Variants in BCAR3 observed in about 807,000 individuals in gnomAD.
The protein encoded by BCAR3 is breast cancer anti-estrogen resistance protein 3.
In BCAR3, 37 loss-of-function variants were observed where a neutral mutation model predicts 80.1. The observed-to-expected ratio is 0.46, with a 90% CI of 0.36 to 0.61. The LOEUF is 0.61. Among genes scored for constraint, BCAR3 ranks in the 20% least tolerant of loss-of-function variants. The pLI is 0.00. For synonymous variants in BCAR3, 389 were observed against 418.9 expected, an observed-to-expected ratio of 0.93 and a Z score of 0.87; for missense variants, 978 against 1,068.2, an observed-to-expected ratio of 0.92 and a Z score of 1.18.
chr1:93,801,578 G>A (rs11805483), intron 2 of BCAR3, among the ~76,000 whole-genome samples: 1,785 of 152,316 alleles, frequency 0.012, 28 homozygotes, highest in African/African-American at 0.041. Context: ...CCAGTCAGAG[G>A]TCTTAGGAAA....
chr1:93,810,130 T>A (rs1013349044), intron 2 of BCAR3, among the ~76,000 whole-genome samples: 2 of 147,264 alleles, frequency 1.4e-5, no homozygotes, highest in Non-Finnish European at 3.0e-5. Flanking sequence ...GAGGCGGAGG[T>A]TGCAGTGAGC....
intron 2 of BCAR3, among the ~76,000 whole-genome samples, chr1:93,718,449 G>A (rs1235931938): frequency 2.6e-4 from 39 of 152,220 alleles, no homozygotes; most frequent in Admixed American, 2.6e-3. Context: ...TATGATGGGA[G>A]AAGGGCAGGG....
chr1:93,844,947 C>T (rs1655094532), intron 2 of BCAR3, among the ~76,000 whole-genome samples: 1 of 152,236 alleles, frequency 6.6e-6, no homozygotes, highest in African/African-American at 2.4e-5. Context: ...GAAAGCCTGG[C>T]TTTCCCACAC....
At chr1:93,696,388 C>T (rs1571053478) in intron 3 of BCAR3, among the ~76,000 whole-genome samples, 1 of 152,168 alleles carries the variant, frequency 6.6e-6, no homozygotes, top group African/African-American at 2.4e-5. Flanking sequence ...CAGTCTCTCT[C>T]CATTTCTACC....
At chr1:93,636,557 A>C (rs578045750) in intron 3 of BCAR3, among the ~76,000 whole-genome samples, 2 of 152,296 alleles carry the variant, frequency 1.3e-5, no homozygotes, top group East Asian at 1.9e-4. Flanking sequence ...AATTTGAAAA[A>C]AAAAAACAAA....
intron 2 of BCAR3, among the ~76,000 whole-genome samples, chr1:93,762,247 C>A (rs986488575): frequency 6.6e-6 from 1 of 152,172 alleles, no homozygotes; most frequent in Non-Finnish European, 1.5e-5. Flanking sequence ...AGTTAACAAG[C>A]AAGAGATCTT....
intron 2 of BCAR3, chr1:93,752,992 C>T (rs569947397): frequency 3.3e-5 from 5 of 152,202 alleles, no homozygotes; most frequent in South Asian, 4.1e-4. Context: ...ACAGATGGCC[C>T]GTGATGAATC....
At chr1:93,645,123 T>C (rs1676114299) in intron 2 of BCAR3, among the ~76,000 whole-genome samples, 1 of 152,108 alleles carries the variant, frequency 6.6e-6, no homozygotes, top group African/African-American at 2.4e-5. Context: ...GGGGGCCTCG[T>C]GGGAGTGTCT....
At chr1:93,629,141 ATCT>A (rs1253302833) in intron 3 of BCAR3, among the ~76,000 whole-genome samples, 3 of 152,152 alleles carry the variant, frequency 2.0e-5, no homozygotes, top group African/African-American at 7.2e-5. Flanking sequence ...TCTTAACGTG[ATCT>A]TCTTCTCGGA....
chr1:93,673,996 G>A (rs1029445527), intron 2 of BCAR3, among the ~76,000 whole-genome samples: 3 of 151,934 alleles, frequency 2.0e-5, no homozygotes, highest in Admixed American at 6.6e-5. Context: ...GTTAAGAAGT[G>A]GTTTTTATTT....
intron 2 of BCAR3, among the ~76,000 whole-genome samples, chr1:93,785,259 T>C (rs572429498): frequency 6.6e-6 from 1 of 152,364 alleles, no homozygotes; most frequent in African/African-American, 2.4e-5. Flanking sequence ...TAGTAGAATC[T>C]GGGCCTATTT....
At chr1:93,637,853 C>T (rs780991983) in intron 3 of BCAR3, among the ~76,000 whole-genome samples, 10 of 152,174 alleles carry the variant, frequency 6.6e-5, no homozygotes, top group African/African-American at 2.2e-4. Flanking sequence ...ATCCTATAAA[C>T]GTAAGCTAGA....
At chr1:93,575,044 C>T (rs1394224932) in intron 8 of BCAR3, among the ~76,000 whole-genome samples, 2 of 152,114 alleles carry the variant, frequency 1.3e-5, no homozygotes, top group African/African-American at 2.4e-5. Flanking sequence ...ATCCATCCCC[C>T]GAGAAGTGGC....
At chr1:93,613,986 G>A in intron 3 of BCAR3, 11 of 1,546,282 alleles carry the variant, frequency 7.1e-6, no homozygotes, top group Non-Finnish European at 9.6e-6. Flanking sequence ...AAAGAAAGGG[G>A]GCTTCGGACG....
chr1:93,828,354 G>A (rs1465596996), intron 2 of BCAR3, among the ~76,000 whole-genome samples: 1 of 152,158 alleles, frequency 6.6e-6, no homozygotes, highest in East Asian at 1.9e-4. Context: ...ATAGAAACTA[G>A]AATCCCTCTC....
intron 3 of BCAR3, among the ~76,000 whole-genome samples, chr1:93,687,693 C>G (rs1377598591): frequency 8.5e-5 from 13 of 152,176 alleles, no homozygotes; most frequent in Non-Finnish European, 2.9e-5. Context: ...TTCTGAGCAG[C>G]ACAAAAGCCT....
intron 1 of BCAR3, among the ~76,000 whole-genome samples, chr1:93,846,367 C>A (rs973896525): frequency 1.3e-5 from 2 of 152,346 alleles, no homozygotes; most frequent in South Asian, 4.1e-4. Context: ...TGCGAATCCT[C>A]CGTAGGCGGG....
intron 2 of BCAR3, among the ~76,000 whole-genome samples, chr1:93,711,403 T>C (rs900974418): frequency 1.3e-5 from 2 of 152,240 alleles, no homozygotes; most frequent in East Asian, 3.8e-4. Context: ...CTGTCATTAT[T>C]CAGCCAGCTA....
At chr1:93,817,623 T>C (rs533327011) in intron 2 of BCAR3, among the ~76,000 whole-genome samples, 8 of 152,296 alleles carry the variant, frequency 5.3e-5, no homozygotes, top group Non-Finnish European at 1.0e-4. Context: ...GCCTTCCCTG[T>C]GCTTCTCCAT....
Sources: allele counts gnomAD v4.1 joint callset (sites outside exome capture counted in the v4.1 genomes callset), GRCh38; gene constraint gnomAD v4.1.1; transcripts MANE v1.5; gene names NCBI Gene and HGNC (gene_info 2026-07-23, HGNC 2026-07-21).